The following PCDHGA6 variants were observed in gnomAD, a reference collection of about 807,000 sequenced individuals.
The protein encoded by PCDHGA6 is protocadherin gamma subfamily A, 6, also known as protocadherin gamma-A6.
In PCDHGA6, 41 loss-of-function variants were observed where a neutral mutation model predicts 60.6. That is an observed-to-expected ratio of 0.68 (90% CI 0.53 to 0.88). The LOEUF (loss-of-function observed/expected upper bound fraction) is 0.88, where lower values mean the gene tolerates loss of function less well. PCDHGA6 is among the 40% of genes least tolerant of loss of function. PCDHGA6 has a pLI of 0.00. For synonymous variants in PCDHGA6, 594 were observed against 524.4 expected (o/e 1.13, Z -1.81); for missense variants, 1,312 against 1,203.0 (o/e 1.09, Z -1.34).
rs2099641960 is a variant in PCDHGA6 at position 141,487,259 on chromosome 5, T to C, written c.2425-7548T>C. On this transcript the variant is annotated intron_variant, in intron 1 of 3. Coordinates refer to ENST00000517434, the MANE Select transcript of PCDHGA6 (RefSeq NM_018919.3). This position sits in a 1 kb window ranked among gnomAD's most constrained non-coding sequence, Gnocchi z 5.0. ...TCGTCTAACCCTCTACTTGGCTGTG[T>C]CCCTAGTGGCAATTTGCTTTGTCTC... 6.2e-7 allele frequency: 1 copy of C among 1,614,132 alleles called. No homozygotes were observed. Among genetic ancestry groups the C allele is most frequent in the Non-Finnish European group, 8.5e-7 (1 of 1,180,012 alleles).
At chr5:141,401,098 C>T (rs1589430206) in intron 1 of PCDHGA6, among the ~76,000 whole-genome samples, 1 of 152,110 alleles carries the variant, frequency 6.6e-6, no homozygotes, top group East Asian at 1.9e-4. Context: ...AATCCCAGCA[C>T]TTTGGGAGGC....
At chr5:141,403,276 C>A in intron 1 of PCDHGA6, 2 of 1,613,844 alleles carry the variant, frequency 1.2e-6, no homozygotes, top group South Asian at 2.2e-5. Flanking sequence ...ACTTTAAAGT[C>A]CTGGTTGAAG....
intron 1 of PCDHGA6, chr5:141,441,667 A>C: frequency 3.7e-6 from 1 of 267,984 alleles, no homozygotes; most frequent in Non-Finnish European, 7.4e-6. Flanking sequence ...TTGAGCGCAC[A>C]GTGCGCCTTC....
intron 1 of PCDHGA6, chr5:141,422,001 C>T (rs2096616874): frequency 6.2e-7 from 1 of 1,609,114 alleles, no homozygotes; most frequent in Non-Finnish European, 8.5e-7. Context: ...ACATCAGCTC[C>T]GGAACTCGGG....
At chr5:141,377,180 A>G (rs1032248697) in intron 1 of PCDHGA6, 4 of 152,210 alleles carry the variant, frequency 2.6e-5, no homozygotes, top group African/African-American at 9.7e-5. Flanking sequence ...TCTTCTTGGC[A>G]AACTATTTGT....
At chr5:141,495,923 T>G (rs1337381299) in intron 2 of PCDHGA6, among the ~76,000 whole-genome samples, 4 of 152,306 alleles carry the variant, frequency 2.6e-5, no homozygotes, top group South Asian at 2.1e-4. Context: ...TTTCTTTGTC[T>G]CTGTCTCTGG....
chr5:141,485,607 C>T lies in PCDHGA6; in HGVS notation c.2425-9200C>T. On this transcript the variant is annotated intron_variant, in intron 1 of 3. Coordinates refer to ENST00000517434, the MANE Select transcript of PCDHGA6 (RefSeq NM_018919.3). The surrounding 1 kb of genome is among the most constrained non-coding windows in gnomAD (Gnocchi z 5.7). ...CAGCTGGACTTGGAAATTGGGGAGG[C>T]AGCTCCTCCAGGACAGCGTTTCCCG... is the stretch of plus-strand genomic sequence containing the variant. 1 of 1,612,008 alleles carries T rather than the reference C, an allele frequency of 6.2e-7. No individual in the cohort carries two copies. The highest frequency in any genetic ancestry group is 8.5e-7 in the Non-Finnish European group (1 of 1,178,534).
At position 141,484,779 on chromosome 5, in the gene PCDHGA6, C is replaced by G. The variant is rs186158562; in HGVS notation, c.2425-10028C>G. On this transcript the variant is annotated intron_variant, in intron 1 of 3. Transcript: ENST00000517434. ...ATATATATATATGTTGTCTGCCTCCCCACAGAGATAACAACCCGTGGAAAA... is the reference window on the plus strand; with the variant it reads ...ATATATATATATGTTGTCTGCCTCCGCACAGAGATAACAACCCGTGGAAAA... Among the ~76,000 whole-genome samples, 137 of 152,130 alleles carry G rather than the reference C, an allele frequency of 9.0e-4. 1 individual carries two copies. Among genetic ancestry groups the G allele is most frequent in the Non-Finnish European group, 1.6e-3 (110 of 67,996 alleles).
At chr5:141,398,611 A>C (rs2093677658) in intron 1 of PCDHGA6, 3 of 1,613,944 alleles carry the variant, frequency 1.9e-6, no homozygotes, top group Non-Finnish European at 2.5e-6. Flanking sequence ...AGATGCAGAT[A>C]TTGGCTTAAA....
At chr5:141,389,998 T>C (rs755639909) in intron 1 of PCDHGA6, 1 of 1,614,046 alleles carries the variant, frequency 6.2e-7, no homozygotes, top group East Asian at 2.2e-5. Context: ...CTCGTGGCCA[T>C]GATTCTGGCC....
chr5:141,453,201 C>T (rs115660512), intron 1 of PCDHGA6, among the ~76,000 whole-genome samples: 2,052 of 152,204 alleles, frequency 0.013, 46 homozygotes, highest in African/African-American at 0.048. Flanking sequence ...GCAGCCTCAA[C>T]CTCGTGCACT....
At chr5:141,433,273 A>T in intron 1 of PCDHGA6, 1 of 1,258,988 alleles carries the variant, frequency 7.9e-7, no homozygotes. Flanking sequence ...AGCTCACTGC[A>T]GCCTCAAACT....
In PCDHGA6 at chr5:141,471,825, A is replaced by G. The variant is rs150400990; in HGVS notation, c.2425-22982A>G. Among the ~76,000 whole-genome samples, 61 of 152,344 alleles carry G rather than the reference A, an allele frequency of 4.0e-4. No individual in the cohort carries two copies. In the East Asian group the frequency reaches 0.011, roughly 27 times the overall value. ...ACATATAAAAGACTACCTATTTTAT[A>G]ATTCCTTTTTAATAAAATATTCAGA... On this transcript the variant is annotated intron_variant, in intron 1 of 3. Coordinates refer to ENST00000517434, the MANE Select transcript of PCDHGA6 (RefSeq NM_018919.3).
intron 1 of PCDHGA6, chr5:141,418,573 C>T (rs749104686): frequency 6.2e-7 from 1 of 1,613,944 alleles, no homozygotes; most frequent in Non-Finnish European, 8.5e-7. Flanking sequence ...CCAATGACAA[C>T]CCCCCAGTGT....
intron 1 of PCDHGA6, among the ~76,000 whole-genome samples, chr5:141,381,931 G>A (rs1032910832): frequency 6.3e-5 from 9 of 143,684 alleles, no homozygotes; most frequent in African/African-American, 2.3e-4. Context: ...CCGGGTTCAA[G>A]CGATTTTCCT....
intron 1 of PCDHGA6, chr5:141,404,534 T>A: frequency 6.2e-7 from 1 of 1,613,954 alleles, no homozygotes; most frequent in Non-Finnish European, 8.5e-7. Context: ...GTTTAGAGAT[T>A]TGCAAATGCA....
In PCDHGA6 at chr5:141,432,075, C is replaced by G. The variant is rs2097446801; in HGVS notation, c.2424+55568C>G. 2 of 1,614,086 alleles carry G rather than the reference C, an allele frequency of 1.2e-6. No individual in the cohort carries two copies. Among genetic ancestry groups the G allele is most frequent in the Non-Finnish European group, 1.7e-6 (2 of 1,180,054 alleles). ...CCCCTATCCACGGAAACTCATATCT[C>G]GCTGAACGTGGCAGACACCAACGAC... On this transcript the variant is annotated intron_variant, in intron 1 of 3. Transcript: ENST00000517434. This position sits in a 1 kb window ranked among gnomAD's most constrained non-coding sequence, Gnocchi z 6.0.
chr5:141,403,964 G>T (rs1279237991), intron 1 of PCDHGA6: 1 of 1,613,704 alleles, frequency 6.2e-7, no homozygotes, highest in Non-Finnish European at 8.5e-7. Context: ...CATTTCGGTG[G>T]AAGATGTAAA....
chr5:141,404,330 T>C, intron 1 of PCDHGA6: 1 of 1,613,934 alleles, frequency 6.2e-7, no homozygotes, highest in African/African-American at 1.3e-5. Context: ...CTACTCAGTC[T>C]ACCTCCCGGA....
Sources: allele counts gnomAD v4.1 joint callset (sites outside exome capture counted in the v4.1 genomes callset), GRCh38; gene constraint gnomAD v4.1.1; non-coding constraint Gnocchi (gnomAD v3.1); transcripts MANE v1.5; gene names NCBI Gene and HGNC (gene_info 2026-07-23, HGNC 2026-07-21).